Variants in SI observed in about 807,000 individuals in gnomAD.
SI encodes the protein sucrase-isomaltase.
In SI, 235 loss-of-function variants were observed where a neutral mutation model predicts 253.3. The ratio of observed to expected loss-of-function variants is 0.93; its 90% CI spans 0.83 to 1.03. SI has a LOEUF of 1.03. SI is among the 50% of genes least tolerant of loss of function. The pLI is 0.00. For synonymous variants in SI, 819 were observed against 712.0 expected (o/e 1.15, Z -2.39); for missense variants, 2,442 against 2,211.1 (o/e 1.10, Z -2.09).
chr3:165,011,567 A>G (rs1032787799), intron 34 of SI, among the ~76,000 whole-genome samples: 5 of 152,050 alleles, frequency 3.3e-5, no homozygotes, highest in South Asian at 2.1e-4. Flanking sequence ...CTTGAGAAGA[A>G]TGTATATATG....
chr3:165,076,035 AT>A (rs775226674), intron 1 of SI, 23 bp from the exon 2 acceptor site: 1 of 1,439,910 alleles, frequency 6.9e-7, no homozygotes, highest in East Asian at 2.4e-5. Context: ...AAGAATATAT[AT>A]TTAAAATGTA....
In SI at chr3:164,998,588, G is replaced by C. The variant is rs746267113; in HGVS notation, c.4492C>G (p.Leu1498Val). 1.2e-6 allele frequency: 2 copies of C among 1,612,154 alleles called. No homozygotes were observed. The highest frequency in any genetic ancestry group is 8.5e-7 in the Non-Finnish European group (1 of 1,178,640). The change falls in exon 38 of 48, where the codon CTT becomes GTT. Residue 1498 changes from leucine (L) to valine (V), a missense_variant. Transcript: ENST00000264382. ...PTSGRWGGHW[L>V]GDNYARWDNM... ...TCCCATCGTGCATAGTTGTCTCCAA[G>C]CCAGTGTCCTCCCCATCGTCCACTA... is the stretch of plus-strand genomic sequence containing the variant.
chr3:165,066,153 T>A lies in SI; in HGVS notation c.636-721A>T, dbSNP rs117195237. On this transcript the variant is annotated intron_variant, in intron 6 of 47. Transcript: ENST00000264382. ...TAAACAATATAGTATAAAAACTCTT[T>A]ACATATAATTTACATTGTATTCATT... Among the ~76,000 whole-genome samples the A allele has an allele frequency of 2.2e-3, 340 of 152,040 alleles. 8 individuals are homozygous for A. In the East Asian group the frequency reaches 0.057, roughly 25 times the overall value.
chr3:165,039,573 T>C (rs889915023), intron 19 of SI, among the ~76,000 whole-genome samples: 1 of 152,076 alleles, frequency 6.6e-6, no homozygotes, highest in Non-Finnish European at 1.5e-5. Context: ...TTTCAATGTA[T>C]ATGTCTACTT....
chr3:165,057,989 T>A (rs1261440321), intron 12 of SI, among the ~76,000 whole-genome samples: 2 of 151,956 alleles, frequency 1.3e-5, no homozygotes, highest in Non-Finnish European at 2.9e-5. Context: ...CATTCTTTTT[T>A]TCAGCACATG....
intron 27 of SI, 42 bp from the exon 28 acceptor site, chr3:165,019,812 T>C (rs1719221690): frequency 1.3e-6 from 2 of 1,504,052 alleles, no homozygotes; most frequent in Non-Finnish European, 1.9e-6. Flanking sequence ...TCAAAATATA[T>C]GCAAAGTAGT....
At chr3:165,057,892 C>A (rs1713775018) in intron 12 of SI, among the ~76,000 whole-genome samples, 1 of 151,852 alleles carries the variant, frequency 6.6e-6, no homozygotes, top group Non-Finnish European at 1.5e-5. Flanking sequence ...GACAGAAAAC[C>A]AACAAAGAAA....
intron 43 of SI, 24 bp downstream of exon 43, chr3:164,992,153 C>A: frequency 6.3e-7 from 1 of 1,588,482 alleles, no homozygotes; most frequent in East Asian, 2.2e-5. Context: ...TTAGTTAATT[C>A]CCCAGAATTC....
At chr3:165,079,166 G>A (rs1027211378), upstream of SI, among the ~76,000 whole-genome samples, 4 of 151,478 alleles carry the variant, frequency 2.6e-5, no homozygotes, top group African/African-American at 9.7e-5. Context: ...GTTTAAGCTA[G>A]CATAATGTTT....
intron 37 of SI, among the ~76,000 whole-genome samples, chr3:164,999,032 C>T (rs1005260309): frequency 6.6e-6 from 1 of 151,846 alleles, no homozygotes. Flanking sequence ...TATGCTCTAA[C>T]TATTCATTGC....
intron 38 of SI, among the ~76,000 whole-genome samples, chr3:164,998,162 C>A (rs1718101881): frequency 6.6e-6 from 1 of 151,776 alleles, no homozygotes; most frequent in South Asian, 2.1e-4. Context: ...TATATGTCAA[C>A]TTTTCTCAAC....
intron 25 of SI, among the ~76,000 whole-genome samples, chr3:165,030,340 T>G (rs1473464450): frequency 6.6e-6 from 1 of 150,888 alleles, no homozygotes; most frequent in Non-Finnish European, 1.5e-5. Flanking sequence ...CTTAATAACT[T>G]GAGACAACTC....
chr3:165,026,567 A>G (rs1038166141), intron 25 of SI, among the ~76,000 whole-genome samples: 1 of 151,314 alleles, frequency 6.6e-6, no homozygotes, highest in African/African-American at 2.4e-5. Flanking sequence ...TCTCCAAGAT[A>G]GACTGTATGA....
chr3:164,985,153 A>G (rs751540161), intron 45 of SI, among the ~76,000 whole-genome samples: 1 of 152,176 alleles, frequency 6.6e-6, no homozygotes, highest in Non-Finnish European at 1.5e-5. Context: ...GGTAAAGTCC[A>G]CACCAAATGT....
chr3:165,018,300 G>T (rs369548417), intron 28 of SI, among the ~76,000 whole-genome samples: 33 of 122,308 alleles, frequency 2.7e-4, no homozygotes, highest in Non-Finnish European at 6.1e-4. Context: ...TATATTAATA[G>T]AAATTAATAT....
rs11452619 is a variant in SI at position 165,030,877 on chromosome 3, CAA to C, written c.2737-12_2737-11del. ...CTGCAATTAGGAGAACCTTTGAAGA[CAA>C]AAAAAAAAAAAGAAAAAAAGAAAAA... is the stretch of plus-strand genomic sequence containing the variant. On this transcript the variant is annotated splice_polypyrimidine_tract_variant and intron_variant, in intron 24 of 47. Transcript: ENST00000264382. 2.3e-3 allele frequency: 2,748 copies of C among 1,209,170 alleles called. 1 individual carries two copies. Among genetic ancestry groups the C allele is most frequent in the African/African-American group, 9.0e-3 (461 of 51,190 alleles). 74.9% of individuals were successfully genotyped at this position (1,209,170 alleles called of 1,614,324 possible).
At chr3:165,031,835 A>G (rs1712263595) in intron 24 of SI, among the ~76,000 whole-genome samples, 1 of 151,180 alleles carries the variant, frequency 6.6e-6, no homozygotes, top group African/African-American at 2.4e-5. Context: ...CAACATTATG[A>G]TTGAAATATT....
intron 6 of SI, among the ~76,000 whole-genome samples, chr3:165,066,166 C>T (rs781477866): frequency 6.6e-6 from 1 of 151,816 alleles, no homozygotes; most frequent in Non-Finnish European, 1.5e-5. Context: ...ATATAATTTA[C>T]ATTGTATTCA....
rs375455220 is a variant in SI at position 164,982,991 on chromosome 3, A to G, written c.5247+11T>C. 80 of 1,554,308 alleles carry G rather than the reference A, an allele frequency of 5.1e-5. No homozygotes were observed. In the South Asian group the frequency reaches 6.5e-4, roughly 13 times the overall value. On this transcript the variant is annotated intron_variant, in intron 46 of 47. Coordinates refer to ENST00000264382, the MANE Select transcript of SI (RefSeq NM_001041.4). ...TCCTTAACAGAATTGCATATAAATA[A>G]TCTTACATACCTGGTTTAAATTAAA...
Sources: allele counts gnomAD v4.1 joint callset (sites outside exome capture counted in the v4.1 genomes callset), GRCh38; gene constraint gnomAD v4.1.1; transcripts MANE v1.5; gene names NCBI Gene and HGNC (gene_info 2026-07-23, HGNC 2026-07-21).